Variants in GCNT1 observed in about 807,000 individuals in gnomAD.
GCNT1 encodes glucosaminyl (N-acetyl) transferase 1, also known as beta-1,3-galactosyl-O-glycosyl-glycoprotein beta-1,6-N-acetylglucosaminyltransferase.
GCNT1 carries 16 observed loss-of-function variants against 26.2 expected under a neutral mutation model. The observed-to-expected ratio is 0.61, with a 90% CI of 0.41 to 0.93. GCNT1 has a LOEUF of 0.93. Ranked by LOEUF, GCNT1 falls within the 40% of genes least tolerant of loss-of-function variation. GCNT1 has a pLI of 0.00. For missense variants in GCNT1, 477 were observed against 526.7 expected, an observed-to-expected ratio of 0.91 and a Z score of 0.92; for synonymous variants, 183 against 190.8, an observed-to-expected ratio of 0.96 and a Z score of 0.34.
At chr9:76,424,864 G>T (rs746694747) in intron 1 of GCNT1, among the ~76,000 whole-genome samples, 1 of 152,188 alleles carries the variant, frequency 6.6e-6, no homozygotes, top group East Asian at 1.9e-4. Context: ...TCGAGGCTGG[G>T]AGTGGTGGCT....
At chr9:76,462,289 T>C (rs1823888961) in intron 2 of GCNT1, among the ~76,000 whole-genome samples, 1 of 152,354 alleles carries the variant, frequency 6.6e-6, no homozygotes, top group South Asian at 2.1e-4. Flanking sequence ...ACTGTTCATA[T>C]AACCATATGT....
chr9:76,482,286 A>C (rs1340650754), intron 2 of GCNT1, among the ~76,000 whole-genome samples: 2 of 152,024 alleles, frequency 1.3e-5, no homozygotes, highest in Admixed American at 6.6e-5. Flanking sequence ...CATTAGAAAT[A>C]TAATGTGAGA....
chr9:76,495,287 C>T (rs1239534832), intron 2 of GCNT1, among the ~76,000 whole-genome samples: 1 of 152,120 alleles, frequency 6.6e-6, no homozygotes, highest in Non-Finnish European at 1.5e-5. Context: ...TTTGTTCCTT[C>T]AGATGTGTCT....
Position 76,504,701 on chromosome 9 carries a change from A to G in GCNT1, c.*1033A>G, listed in dbSNP as rs1267038111. ...ATTAAGGCTGTCGCTTATTGAATCC[A>G]CTTGTGTCCAACCTCCCAGGATTGT... On this transcript the variant is annotated 3_prime_UTR_variant, in exon 4 of 4. Transcript: ENST00000376730. The G allele has an allele frequency of 4.8e-6, 2 of 413,204 alleles. No individual in the cohort carries two copies. The highest frequency in any genetic ancestry group is 8.8e-6 in the Non-Finnish European group (2 of 226,140). 25.6% of individuals were successfully genotyped at this position (413,204 alleles called of 1,614,324 possible).
intron 2 of GCNT1, among the ~76,000 whole-genome samples, chr9:76,470,328 G>A (rs1044550454): frequency 2.6e-5 from 4 of 152,114 alleles, no homozygotes; most frequent in African/African-American, 9.7e-5. Context: ...CTTAGGCTAG[G>A]TGTGGTACCT....
Position 76,503,321 on chromosome 9 carries a change from G to C in GCNT1, c.940G>C (p.Asp314His). 6.2e-7 allele frequency: 1 copy of C among 1,614,118 alleles called. No individual in the cohort carries two copies. ...CCAAAAGTTGATGGAGTGGGCACAA[G>C]ACACATACAGCCCTGATGAGTATCT... ...KIQKLMEWAQ[D>H]TYSPDEYLWA... The change falls in exon 4 of 4, where the codon GAC (aspartate) becomes CAC (histidine). Residue 314 changes from aspartate to histidine, a missense_variant. Asp to His is a moderately conservative substitution (Grantham distance 81). Transcript: ENST00000376730.
rs139014455 is a variant in GCNT1 at position 76,502,654 on chromosome 9, C to G, written c.273C>G (p.Asp91Glu). The change falls in exon 4 of 4, where the codon GAC becomes GAG. Residue 91 changes from aspartate to glutamate, a missense_variant. Coordinates refer to ENST00000376730, the MANE Select transcript of GCNT1 (RefSeq NM_001490.5). ...AAAAGCGCCCTCGGTGGACACCTGA[C>G]GACTATATAAACATGACCAGTGACT... ...KFKKRPRWTP[D>E]DYINMTSDCS... 1 of 1,613,996 alleles carries G rather than the reference C, an allele frequency of 6.2e-7. No individual in the cohort carries two copies. The highest frequency in any genetic ancestry group is 8.5e-7 in the Non-Finnish European group (1 of 1,179,958).
Position 76,450,988 on chromosome 9 carries a change from T to C in GCNT1, c.-290+8673T>C, listed in dbSNP as rs561240282. ...TTAAAAACATTAAAGAACTTACATG[T>C]ATGGGTTTTAGAAACATATTTCAGG... On this transcript the variant is annotated intron_variant, in intron 1 of 2. Coordinates refer to the GCNT1 transcript ENST00000442371. Among the ~76,000 whole-genome samples the C allele has an allele frequency of 9.1e-4, 139 of 152,316 alleles. No individual in the cohort carries two copies. In the South Asian group the frequency reaches 0.016, roughly 18 times the overall value.
chr9:76,482,392 C>T (rs547023663), intron 2 of GCNT1, among the ~76,000 whole-genome samples: 20 of 151,534 alleles, frequency 1.3e-4, no homozygotes, highest in East Asian at 9.9e-4. Flanking sequence ...GAGGCTGAGG[C>T]GGGCGGATCA....
chr9:76,502,716 A>C lies in GCNT1; in HGVS notation c.335A>C (p.Glu112Ala). 1 of 1,614,130 alleles carries C rather than the reference A, an allele frequency of 6.2e-7. No individual in the cohort carries two copies. Among genetic ancestry groups the C allele is most frequent in the Non-Finnish European group, 8.5e-7 (1 of 1,179,940 alleles). Residue 112 changes from glutamate to alanine, a missense_variant, in exon 4 of 4, where the codon GAA (glutamate) becomes GCA (alanine). Transcript: ENST00000376730. ...ATCAAGAGACGCAAATATATTGTAG[A>C]ACCCCTTAGTAAAGAAGAGGCGGAG... ...SFIKRRKYIV[E>A]PLSKEEAEFP...
intron 1 of GCNT1, among the ~76,000 whole-genome samples, chr9:76,443,916 AGG>A: frequency 1.5e-5 from 1 of 67,638 alleles, no homozygotes; most frequent in African/African-American, 6.0e-5. Context: ...AAAGGAAGAA[AGG>A]AAGAAAGGAA....
chr9:76,413,648 GTTTTGTTTTTT>G, the GCNT1 span, among the ~76,000 whole-genome samples: 8 of 28,144 alleles, frequency 2.8e-4, no homozygotes, highest in African/African-American at 6.3e-4. Context: ...TTTTTGTTTT[GTTTTGTTTTTT>G]TTTTTTTTGT....
intron 2 of GCNT1, among the ~76,000 whole-genome samples, chr9:76,463,689 T>C (rs2045071795): frequency 6.6e-6 from 1 of 152,144 alleles, no homozygotes; most frequent in Non-Finnish European, 1.5e-5. Context: ...CCGGCATTGC[T>C]CGCTCCAGGG....
At chr9:76,394,423 A>G in the GCNT1 span, 2 of 407,438 alleles carry the variant, frequency 4.9e-6, no homozygotes, top group Non-Finnish European at 8.7e-6. Flanking sequence ...CAGCCGAAGT[A>G]AGTGCCGGGT....
At chr9:76,432,859 A>G (rs902917716) in intron 1 of GCNT1, among the ~76,000 whole-genome samples, 20 of 151,858 alleles carry the variant, frequency 1.3e-4, no homozygotes, top group African/African-American at 3.6e-4. Context: ...CACCTATTTT[A>G]TATATACCTT....
the GCNT1 span, among the ~76,000 whole-genome samples, chr9:76,401,155 G>A: frequency 6.6e-6 from 1 of 152,254 alleles, no homozygotes; most frequent in Admixed American, 6.5e-5. Context: ...TAAGCTGGCT[G>A]AGTGTAAGTG....
upstream of GCNT1, among the ~76,000 whole-genome samples, chr9:76,456,711 A>T (rs564567581): frequency 6.6e-6 from 1 of 152,294 alleles, no homozygotes; most frequent in Non-Finnish European, 1.5e-5. Context: ...GGTGGCTCAC[A>T]CCTGTAATCC....
At chr9:76,483,045 A>T (rs1004941350) in intron 2 of GCNT1, among the ~76,000 whole-genome samples, 1 of 152,066 alleles carries the variant, frequency 6.6e-6, no homozygotes, top group South Asian at 2.1e-4. Context: ...GAAATGATAC[A>T]TGTGTCTAAT....
intron 1 of GCNT1, among the ~76,000 whole-genome samples, chr9:76,421,521 T>C (rs1253049994): frequency 1.3e-5 from 2 of 149,202 alleles, no homozygotes; most frequent in African/African-American, 4.9e-5. Context: ...CGATAATTGC[T>C]TGAACCCAGG....
Sources: gnomAD v4.1 joint callset for allele counts (sites outside exome capture counted in the v4.1 genomes callset) on GRCh38, gnomAD v4.1.1 for gene constraint, MANE v1.5 for transcripts, NCBI Gene and HGNC (gene_info 2026-07-23, HGNC 2026-07-21) for gene names.